Variants in CACNA2D3 observed in about 807,000 individuals in gnomAD.
CACNA2D3 encodes the protein calcium voltage-gated channel auxiliary subunit alpha2delta 3.
A neutral mutation model predicts 160.6 loss-of-function variants in CACNA2D3; 60 were observed. The ratio of observed to expected loss-of-function variants is 0.37; its 90% CI spans 0.30 to 0.46. The LOEUF is 0.46. Ranked by LOEUF, CACNA2D3 falls within the 20% of genes least tolerant of loss-of-function variation. The pLI is 1.00. For missense variants in CACNA2D3, 1,205 were observed against 1,365.0 expected (o/e 0.88, Z 1.85); for synonymous variants, 558 against 492.9 (o/e 1.13, Z -1.75).
chr3:54,894,905 A>T, intron 25 of CACNA2D3: 1 of 303,690 alleles, frequency 3.3e-6, no homozygotes, highest in Non-Finnish European at 6.7e-6. Context: ...AGCATTCTAG[A>T]TAGCACAGGG....
intron 4 of CACNA2D3, among the ~76,000 whole-genome samples, chr3:54,420,224 A>G (rs1054516945): frequency 5.9e-5 from 9 of 152,126 alleles, no homozygotes; most frequent in Admixed American, 4.6e-4. Context: ...AGCTGGGTCT[A>G]CAGGCACACG....
intron 4 of CACNA2D3, among the ~76,000 whole-genome samples, chr3:54,488,077 T>A (rs1701045227): frequency 6.6e-6 from 1 of 152,200 alleles, no homozygotes; most frequent in African/African-American, 2.4e-5. Flanking sequence ...GGATGAACAG[T>A]AAATGCAAAC....
rs1460277322 is a variant in CACNA2D3, at chr3:55,073,621, G to A, written c.3100+64G>A. The stretch of plus-strand genomic sequence containing the variant: ...ACCAGTAAGGGGTATCAGTGGTAAG[G>A]AAACCTGGGGGAGAAATATTAGAGA... On this transcript the variant is annotated intron_variant, in intron 36 of 37. Coordinates refer to ENST00000474759, the MANE Select transcript of CACNA2D3 (RefSeq NM_018398.3). 6 of 1,361,740 alleles carry A rather than the reference G, an allele frequency of 4.4e-6. No individual in the cohort carries two copies. The African/African-American group carries it at 5.8e-5, about 13-fold the overall frequency. The allele number at this position is 1,361,740 out of a possible 1,614,324, so 84.4% of individuals were successfully genotyped here.
At chr3:54,171,136 C>CTTTT (rs57761171) in intron 2 of CACNA2D3, among the ~76,000 whole-genome samples, 700 of 62,506 alleles carry the variant, frequency 0.011, 109 homozygotes, top group African/African-American at 0.014. Flanking sequence ...AAGATGATGA[C>CTTTT]TTTTTTTTTT....
At chr3:54,562,087 A>G (rs1028838548) in intron 5 of CACNA2D3, among the ~76,000 whole-genome samples, 4 of 152,112 alleles carry the variant, frequency 2.6e-5, no homozygotes, top group Non-Finnish European at 5.9e-5. Context: ...AACACATGGG[A>G]ATTATGGGAG....
Position 54,899,848 on chromosome 3 carries a change from G to A in CACNA2D3, c.2429G>A (p.Arg810Gln), listed in dbSNP as rs777014208. ...ASTSIQLLDE[R>Q]KSPVVAAVGI... ...ACATCCATCCAGCTCCTGGATGAAC[G>A]GAAATCTCCTGTGGTGGCAGGTAAA... The change falls in exon 27 of 38, where the codon CGG (arginine) becomes CAG (glutamine). Residue 810 changes from arginine to glutamine, a missense_variant. Around this residue, in one of 3 missense-constraint regions of CACNA2D3, gnomAD observed 911 missense variants for 1,002.2 expected, o/e 0.91. Coordinates refer to ENST00000474759, the MANE Select transcript of CACNA2D3 (RefSeq NM_018398.3). 6.9e-6 allele frequency: 11 copies of A among 1,604,718 alleles called. No homozygotes were observed. Among genetic ancestry groups the A allele is most frequent in the East Asian group, 4.5e-5 (2 of 44,660 alleles).
chr3:54,324,346 A>G (rs531517981), intron 3 of CACNA2D3, among the ~76,000 whole-genome samples: 1 of 152,322 alleles, frequency 6.6e-6, no homozygotes, highest in Non-Finnish European at 1.5e-5. Context: ...TCTCCCCGTC[A>G]GATGTCTGAA....
At chr3:55,072,447 A>G (rs1176727440) in intron 35 of CACNA2D3, among the ~76,000 whole-genome samples, 2 of 152,192 alleles carry the variant, frequency 1.3e-5, no homozygotes, top group Non-Finnish European at 2.9e-5. Context: ...TCATTGCATG[A>G]TTTTAGTTCA....
At chr3:54,204,796 G>GGAAAAAAAAAAAA (rs1559881510) in intron 2 of CACNA2D3, among the ~76,000 whole-genome samples, 1 of 74,052 alleles carries the variant, frequency 1.4e-5, no homozygotes, top group Non-Finnish European at 3.0e-5. Flanking sequence ...ATGCTGTCTT[G>GGAAAAAAAAAAAA]AAAAAAAAAA....
chr3:54,866,193 A>G (rs965364957), intron 17 of CACNA2D3, among the ~76,000 whole-genome samples: 29 of 152,162 alleles, frequency 1.9e-4, no homozygotes, highest in South Asian at 6.2e-4. Context: ...AGTATTTTGG[A>G]TTGTGTAGGT....
chr3:54,573,685 C>G (rs143330244), intron 8 of CACNA2D3, among the ~76,000 whole-genome samples: 160 of 152,286 alleles, frequency 1.1e-3, no homozygotes, highest in Non-Finnish European at 1.8e-3. Context: ...AAAGGGTATA[C>G]ACACAGGCAC....
Position 54,784,065 on chromosome 3 carries a change from A to G in CACNA2D3, c.1380+19714A>G, listed in dbSNP as rs191917686. Among the ~76,000 whole-genome samples, 101 of 152,302 alleles carry G rather than the reference A, an allele frequency of 6.6e-4. 1 individual carries two copies. Among genetic ancestry groups the G allele is most frequent in the African/African-American group, 1.3e-3 (52 of 41,560 alleles). On this transcript the variant is annotated intron_variant, in intron 13 of 37. Coordinates refer to ENST00000474759, the MANE Select transcript of CACNA2D3 (RefSeq NM_018398.3). Reference sequence around the variant, plus strand: ...GAAGGAAATTGAGGGTCCTGAATCAAATTCCTTGAGGGCATTTTTAATGAC... The same window carrying G: ...GAAGGAAATTGAGGGTCCTGAATCAGATTCCTTGAGGGCATTTTTAATGAC...
Position 54,899,773 on chromosome 3 carries a change from TTTTTC to T in CACNA2D3, c.2369-9_2369-5del. The stretch of plus-strand genomic sequence containing the variant: ...ATTATCTTCATTTTTGTTGTGGTGT[TTTTTC>T]TTTTCACAGGACCAGTCAATAAAAG... On this transcript the variant is annotated splice_polypyrimidine_tract_variant and intron_variant, in intron 26 of 37. Transcript: ENST00000474759. The T allele has an allele frequency of 6.3e-7, 1 of 1,587,822 alleles. No individual in the cohort carries two copies. The highest frequency in any genetic ancestry group is 8.6e-7 in the Non-Finnish European group (1 of 1,161,282).
rs541414545 is a variant in CACNA2D3, at chr3:54,871,017, C to T, written c.1627-522C>T. Reference sequence around the variant, plus strand: ...AAGTAAGAAGCCCTTTCTCGTATCACGGACTGAGTTTTAGCAGCTTTGGGA... The same window carrying T: ...AAGTAAGAAGCCCTTTCTCGTATCATGGACTGAGTTTTAGCAGCTTTGGGA... On this transcript the variant is annotated intron_variant, in intron 17 of 37. Coordinates refer to ENST00000474759, the MANE Select transcript of CACNA2D3 (RefSeq NM_018398.3). Among the ~76,000 whole-genome samples, 24 of 150,996 alleles carry T rather than the reference C, an allele frequency of 1.6e-4. No homozygotes were observed. The East Asian group carries it at 2.0e-3, about 12-fold the overall frequency.
chr3:54,453,541 C>A (rs1700345994), intron 4 of CACNA2D3, among the ~76,000 whole-genome samples: 1 of 152,158 alleles, frequency 6.6e-6, no homozygotes, highest in Admixed American at 6.5e-5. Context: ...TTAACAGAAA[C>A]ACAGCTCAAA....
At chr3:54,564,906 A>G (rs946610521) in intron 6 of CACNA2D3, among the ~76,000 whole-genome samples, 2 of 152,204 alleles carry the variant, frequency 1.3e-5, no homozygotes, top group South Asian at 2.1e-4. Context: ...GGCGACAGCA[A>G]TGAGAGACTG....
At chr3:54,937,696 A>G (rs1414089358) in intron 27 of CACNA2D3, among the ~76,000 whole-genome samples, 2 of 152,154 alleles carry the variant, frequency 1.3e-5, no homozygotes, top group Non-Finnish European at 2.9e-5. Flanking sequence ...TGAAATCTGA[A>G]GTACTAGCCA....
intron 5 of CACNA2D3, among the ~76,000 whole-genome samples, chr3:54,509,333 G>A (rs1228993797): frequency 6.6e-6 from 1 of 151,756 alleles, no homozygotes; most frequent in Non-Finnish European, 1.5e-5. Flanking sequence ...GGGAGAGAGA[G>A]CACACGCACA....
At chr3:54,373,730 G>C (rs185056216) in intron 3 of CACNA2D3, among the ~76,000 whole-genome samples, 4 of 152,284 alleles carry the variant, frequency 2.6e-5, no homozygotes, top group Admixed American at 2.6e-4. Flanking sequence ...ATGGCTTTCT[G>C]ATCCTTGGAG....
Sources: gnomAD v4.1 joint callset for allele counts (sites outside exome capture counted in the v4.1 genomes callset) on GRCh38, gnomAD v4.1.1 for gene constraint, gnomAD v4.1.1 regional missense constraint, MANE v1.5 for transcripts, NCBI Gene and HGNC (gene_info 2026-07-23, HGNC 2026-07-21) for gene names.